The following NUMBL variants were observed in gnomAD, a reference collection of about 807,000 sequenced individuals.
NUMBL encodes the protein numb-like protein.
In NUMBL, 20 loss-of-function variants were observed where a neutral mutation model predicts 48.9. That is an observed-to-expected ratio of 0.41 (90% CI 0.29 to 0.59). The LOEUF (loss-of-function observed/expected upper bound fraction) is 0.59. Among genes scored for constraint, NUMBL ranks in the 20% least tolerant of loss-of-function variants. The pLI, the probability that NUMBL is intolerant of heterozygous loss-of-function variation, is 0.31. For missense variants in NUMBL, 660 were observed against 846.2 expected, an observed-to-expected ratio of 0.78 and a Z score of 2.73; for synonymous variants, 340 against 348.7, an observed-to-expected ratio of 0.98 and a Z score of 0.28.
chr19:40,667,581 CTG>C lies in NUMBL; in HGVS notation c.1715_1716del (p.Pro572ArgfsTer6). On this transcript the variant is annotated frameshift_variant, in exon 10 of 10. Transcript: ENST00000252891. LOFTEE classifies it high-confidence loss of function. The surrounding 1 kb of genome is among the most constrained non-coding windows in gnomAD (Gnocchi z 6.1). ...CACTGGGCCTCAAAGGGGTCCAACT[CTG>C]GAGCTGGGGCAGGCGCTGGCTCAGG... is the stretch of plus-strand genomic sequence containing the variant. ...WPPEPAPAPA[P>X]ELDPFEAQWA... 1 of 1,556,996 alleles carries C rather than the reference CTG, an allele frequency of 6.4e-7. No homozygotes were observed. Among genetic ancestry groups the C allele is most frequent in the Non-Finnish European group, 8.7e-7 (1 of 1,150,070 alleles).
intron 1 of NUMBL, chr19:40,690,076 G>A (rs1048768734): frequency 2.8e-5 from 5 of 176,596 alleles, no homozygotes; most frequent in South Asian, 2.0e-4. Flanking sequence ...CTTAGGCAGG[G>A]AGAGGTAGGG....
intron 2 of NUMBL, chr19:40,684,939 T>G: frequency 4.2e-6 from 1 of 235,454 alleles, no homozygotes; most frequent in East Asian, 1.3e-4. Context: ...TAGGAGGGCA[T>G]GGGGGCTAGA....
chr19:40,673,401 G>C lies in NUMBL; in HGVS notation c.979C>G (p.Leu327Val). 1 of 1,613,692 alleles carries C rather than the reference G, an allele frequency of 6.2e-7. No homozygotes were observed. The highest frequency in any genetic ancestry group is 1.1e-5 in the South Asian group (1 of 91,016). Reference sequence around the variant, plus strand: ...TGCAGCGTGGATGGCAGCTCATTCAGCCGTAGGCTCAGCTGCCGTTTGAAA... The same window carrying C: ...TGCAGCGTGGATGGCAGCTCATTCACCCGTAGGCTCAGCTGCCGTTTGAAA... ...SPFKRQLSLRLNELPSTLQRR... is the reference protein window; with the variant it reads ...SPFKRQLSLRVNELPSTLQRR... The change falls in exon 8 of 10, where the codon CTG becomes GTG. Residue 327 changes from leucine (L) to valine (V), a missense_variant. Transcript: ENST00000252891. This position sits in a 1 kb window ranked among gnomAD's most constrained non-coding sequence, Gnocchi z 5.9.
At position 40,690,460 on chromosome 19, in the gene NUMBL, G is replaced by T. The variant is rs2081959795; in HGVS notation, c.24C>A (p.Ser8Arg). ...AGCCCCCCTCTCCCGCCCTTCTCACGCTGGCCGCCGCGCTGCGGGACATCC... is the reference window on the plus strand; with the variant it reads ...AGCCCCCCTCTCCCGCCCTTCTCACTCTGGCCGCCGCGCTGCGGGACATCC... MSRSAAA[S>R]GGPRRPERHL... The change falls in exon 1 of 10, where the codon AGC becomes AGA. Residue 8 changes from serine to arginine, a missense_variant and splice_region_variant. Coordinates refer to ENST00000252891, the MANE Select transcript of NUMBL (RefSeq NM_004756.5). 1 of 1,300,126 alleles carries T rather than the reference G, an allele frequency of 7.7e-7. No homozygotes were observed. The highest frequency in any genetic ancestry group is 1.5e-5 in the African/African-American group (1 of 65,484). 80.5% of individuals were successfully genotyped at this position (1,300,126 alleles called of 1,614,324 possible).
At position 40,667,450 on chromosome 19, in the gene NUMBL, TG is replaced by T; in HGVS notation, c.*17del. 6.3e-7 allele frequency: 1 copy of T among 1,598,130 alleles called. No individual in the cohort carries two copies. Among genetic ancestry groups the T allele is most frequent in the Admixed American group, 1.7e-5 (1 of 57,470 alleles). ...CGTGGGGCACCTGGAGATGATGGAGTGGGTGGGGCGGCTCGGGCTACAGTTC... is the reference window on the plus strand; with the variant it reads ...CGTGGGGCACCTGGAGATGATGGAGTGGTGGGGCGGCTCGGGCTACAGTTC... On this transcript the variant is annotated 3_prime_UTR_variant, in exon 10 of 10. Coordinates refer to ENST00000252891, the MANE Select transcript of NUMBL (RefSeq NM_004756.5). This position sits in a 1 kb window ranked among gnomAD's most constrained non-coding sequence, Gnocchi z 6.1.
rs1471532726 is a variant in NUMBL, at chr19:40,669,934, C to T, written c.1123G>A (p.Gly375Arg). The T allele has an allele frequency of 3.1e-6, 5 of 1,614,070 alleles. No homozygotes were observed. The South Asian group carries it at 4.4e-5, about 14-fold the overall frequency. Residue 375 changes from glycine (G) to arginine (R), a missense_variant, in exon 9 of 10, where the codon GGA becomes AGA. Physicochemically the swap from Gly to Arg is moderately radical, Grantham distance 125. This residue lies in a region of NUMBL where 296 missense variants were observed against 339.7 expected (regional missense o/e 0.87). Transcript: ENST00000252891. ...GGTGGTGGCCCTGGTGCTGGCGCTCCAGCACTGGCAAAAGATGAACTGATC... is the reference window on the plus strand; with the variant it reads ...GGTGGTGGCCCTGGTGCTGGCGCTCTAGCACTGGCAAAAGATGAACTGATC... ...TQISSSFASA[G>R]APAPGPPPAT...
intron 5 of NUMBL, among the ~76,000 whole-genome samples, chr19:40,681,344 T>C (rs779959749): frequency 1.1e-4 from 16 of 152,158 alleles, no homozygotes; most frequent in Non-Finnish European, 1.3e-4. Context: ...AGGGCCAGCA[T>C]GGCAGAAGCC....
rs529911679 is a variant in NUMBL at position 40,667,814 on chromosome 19, G to T, written c.1484C>A (p.Pro495Gln). ...HMQPPFVPAYPGLGYPPMPRV... is the reference protein window; with the variant it reads ...HMQPPFVPAYQGLGYPPMPRV... ...GGGCATCGGTGGGTAGCCCAAGCCC[G>T]GGTAGGCGGGCACAAAAGGGGGCTG... The change falls in exon 10 of 10, where the codon CCG (proline) becomes CAG (glutamine). Residue 495 changes from proline to glutamine, a missense_variant. By Grantham distance (76) the Pro-to-Gln change is moderately conservative (BLOSUM62 -1). Coordinates refer to ENST00000252891, the MANE Select transcript of NUMBL (RefSeq NM_004756.5). This position sits in a 1 kb window ranked among gnomAD's most constrained non-coding sequence, Gnocchi z 6.1. 1 of 1,585,820 alleles carries T rather than the reference G, an allele frequency of 6.3e-7. No individual in the cohort carries two copies. The highest frequency in any genetic ancestry group is 8.6e-7 in the Non-Finnish European group (1 of 1,166,492).
At position 40,688,844 on chromosome 19, in the gene NUMBL, A is replaced by C. The variant is rs541318881; in HGVS notation, c.24+1616T>G. 6.6e-6 allele frequency among the ~76,000 whole-genome samples: 1 copy of C among 152,306 alleles called. No homozygotes were observed. Among genetic ancestry groups the C allele is most frequent in the African/African-American group, 2.4e-5 (1 of 41,564 alleles). On this transcript the variant is annotated intron_variant, in intron 1 of 9. Transcript: ENST00000252891. This position sits in a 1 kb window ranked among gnomAD's most constrained non-coding sequence, Gnocchi z 4.6. ...CACATGCAAGGCTAGAAATACACAC[A>C]ATCACTCGTTATCACACACACTGCT...
intron 8 of NUMBL, among the ~76,000 whole-genome samples, chr19:40,670,718 C>T (rs777393550): frequency 1.3e-5 from 2 of 152,148 alleles, no homozygotes; most frequent in Non-Finnish European, 2.9e-5. Flanking sequence ...GCTGCGGGGG[C>T]GCCCGGGTGG....
At chr19:40,684,797 G>A in intron 2 of NUMBL, 1 of 514,330 alleles carries the variant, frequency 1.9e-6, no homozygotes, top group Non-Finnish European at 3.4e-6. Context: ...GAACCATGGG[G>A]CTAAGGGGCT....
Position 40,679,468 on chromosome 19 carries a change from C to T in NUMBL, c.540+1449G>A, listed in dbSNP as rs1329301908. Among the ~76,000 whole-genome samples, 5 of 152,108 alleles carry T rather than the reference C, an allele frequency of 3.3e-5. No individual in the cohort carries two copies. In the East Asian group the frequency reaches 9.6e-4, roughly 29 times the overall value. On this transcript the variant is annotated intron_variant, in intron 6 of 9. Transcript: ENST00000252891. ...CAGAGGCAGGCGGATCACCTGAGGT[C>T]GGGAGTTCAAGACCAACCTGACCTG...
intron 6 of NUMBL, among the ~76,000 whole-genome samples, chr19:40,677,836 A>C (rs528663928): frequency 4.6e-5 from 7 of 152,158 alleles, no homozygotes; most frequent in African/African-American, 1.7e-4. Flanking sequence ...TGACAGAGTG[A>C]GATTCTGTCT....
rs1245963881 is a variant in NUMBL, at chr19:40,667,039, C to T, written c.*429G>A. 3.0e-5 allele frequency: 7 copies of T among 232,480 alleles called. No individual in the cohort carries two copies. Among genetic ancestry groups the T allele is most frequent in the East Asian group, 1.3e-4 (1 of 7,974 alleles). The allele number at this position is 232,480 out of a possible 1,614,324, so 14.4% of individuals were successfully genotyped here. A position where few individuals can be genotyped will look rare whatever the true frequency, so the allele number is the denominator to read the frequency against. ...TTGTGCTGTGCATGGGGGGAGGAGA[C>T]GACCAGATTTGGGGTGGGCACTGGT... is the stretch of plus-strand genomic sequence containing the variant. On this transcript the variant is annotated 3_prime_UTR_variant, in exon 10 of 10. Coordinates refer to ENST00000252891, the MANE Select transcript of NUMBL (RefSeq NM_004756.5). This position sits in a 1 kb window ranked among gnomAD's most constrained non-coding sequence, Gnocchi z 6.1.
intron 6 of NUMBL, among the ~76,000 whole-genome samples, chr19:40,678,628 G>A (rs1394109750): frequency 6.6e-6 from 1 of 152,004 alleles, no homozygotes; most frequent in Non-Finnish European, 1.5e-5. Context: ...CTAGAACTGC[G>A]GCAAACAAAT....
At chr19:40,683,097 C>G in intron 3 of NUMBL, 129 bp from the exon 4 acceptor site, 2 of 822,456 alleles carry the variant, frequency 2.4e-6, no homozygotes, top group South Asian at 1.5e-5. Context: ...ATCATTTATT[C>G]TGCATCTCAA....
chr19:40,679,333 A>G (rs958947725), intron 6 of NUMBL, among the ~76,000 whole-genome samples: 4 of 152,208 alleles, frequency 2.6e-5, no homozygotes, highest in African/African-American at 7.2e-5. Flanking sequence ...AGATTGCACC[A>G]CTGCACACCA....
intron 8 of NUMBL, among the ~76,000 whole-genome samples, chr19:40,670,334 T>C (rs1461071256): frequency 6.6e-6 from 1 of 152,130 alleles, no homozygotes; most frequent in African/African-American, 2.4e-5. Context: ...AGTTTAAAAA[T>C]ATGCCCAACC....
chr19:40,683,649 C>G (rs8109253), intron 3 of NUMBL, among the ~76,000 whole-genome samples: 39,961 of 152,150 alleles, frequency 0.26, 5,437 homozygotes, highest in South Asian at 0.3. Flanking sequence ...CTGCTCTCCC[C>G]CTCACAGGAA....
Sources: allele counts gnomAD v4.1 joint callset (sites outside exome capture counted in the v4.1 genomes callset), GRCh38; gene constraint gnomAD v4.1.1; regional missense constraint gnomAD v4.1.1; non-coding constraint Gnocchi (gnomAD v3.1); transcripts MANE v1.5; gene names NCBI Gene and HGNC (gene_info 2026-07-23, HGNC 2026-07-21).